Variants in JRK observed in about 807,000 individuals in gnomAD.
The protein encoded by JRK is Jrk helix-turn-helix protein.
For synonymous variants in JRK, 303 were observed against 218.1 expected (o/e 1.39, Z -3.43); for missense variants, 720 against 509.2 (o/e 1.41, Z -3.98).
Position 142,658,236 on chromosome 8 carries a change from T to A in JRK, c.*6116A>T, listed in dbSNP as rs1846801016. On this transcript the variant is annotated 3_prime_UTR_variant, in exon 2 of 2. Transcript: ENST00000612905. ...TACTGCCTGTCTCAGTCAGTTTTGA[T>A]TGCGATAACAAAATACCACAGGCTA... The A allele has an allele frequency of 6.6e-6, 1 of 152,256 alleles. No homozygotes were observed. Among genetic ancestry groups the A allele is most frequent in the African/African-American group, 2.4e-5 (1 of 41,454 alleles). The allele number at this position is 152,256 out of a possible 1,614,324, so 9.4% of individuals were successfully genotyped here. A position where few individuals can be genotyped will look rare whatever the true frequency, so the allele number is the denominator to read the frequency against.
rs1847125601 is a variant in JRK, at chr8:142,666,245, T to C, written c.-187A>G. 2.0e-6 allele frequency: 2 copies of C among 1,006,364 alleles called. No individual in the cohort carries two copies. Among genetic ancestry groups the C allele is most frequent in the Non-Finnish European group, 3.0e-6 (2 of 677,316 alleles). The allele number at this position is 1,006,364 out of a possible 1,614,324, so 62.3% of individuals were successfully genotyped here. On this transcript the variant is annotated 5_prime_UTR_variant, in exon 2 of 2. Transcript: ENST00000612905. ...GGTTTCTCACTCCACACGCTGCACC[T>C]CCTGCCTCAGGTATCCCTGGTCTTC...
At chr8:142,648,407 G>C in the JRK span, among the ~76,000 whole-genome samples, 3 of 152,340 alleles carry the variant, frequency 2.0e-5, no homozygotes, top group African/African-American at 7.2e-5. Context: ...CAGGCCCAGG[G>C]TTGCCATACT....
chr8:142,647,622 G>A, the JRK span, among the ~76,000 whole-genome samples: 1 of 152,158 alleles, frequency 6.6e-6, no homozygotes. Flanking sequence ...CCATGATTGT[G>A]AGGCCTCCCC....
At chr8:142,656,654 T>G (rs1415576549), downstream of JRK, among the ~76,000 whole-genome samples, 4 of 152,258 alleles carry the variant, frequency 2.6e-5, no homozygotes, top group African/African-American at 9.6e-5. Context: ...GAGAGCACCC[T>G]TAGGCTTGAA....
At position 142,662,402 on chromosome 8, in the gene JRK, T is replaced by C. The variant is rs1846944862; in HGVS notation, c.*1950A>G. 1 of 985,240 alleles carries C rather than the reference T, an allele frequency of 1.0e-6. No homozygotes were observed. Among genetic ancestry groups the C allele is most frequent in the Non-Finnish European group, 1.2e-6 (1 of 829,952 alleles). The allele number at this position is 985,240 out of a possible 1,614,324, so 61.0% of individuals were successfully genotyped here. On this transcript the variant is annotated 3_prime_UTR_variant, in exon 2 of 2. Coordinates refer to ENST00000612905, the MANE Select transcript of JRK (RefSeq NM_003724.4). The stretch of plus-strand genomic sequence containing the variant: ...CCTGTGTTGCCTCAAGCAGCTGCAA[T>C]CCAGCAGTCTTGGTTAAGAGGCTCT...
the JRK span, among the ~76,000 whole-genome samples, chr8:142,649,489 C>CT: frequency 6.6e-6 from 1 of 152,248 alleles, no homozygotes; most frequent in Non-Finnish European, 1.5e-5. Flanking sequence ...TCTTTGCCTG[C>CT]TGCTATCCAT....
Position 142,664,295 on chromosome 8 carries a change from C to T in JRK, c.*57G>A. ...GGTGGGGTCGGGGCACAGGACCATG[C>T]CACTCCAGGGTGTGGGGAGAAACAG... On this transcript the variant is annotated 3_prime_UTR_variant, in exon 2 of 2. Transcript: ENST00000612905. 6.7e-7 allele frequency: 1 copy of T among 1,497,254 alleles called. No individual in the cohort carries two copies. The highest frequency in any genetic ancestry group is 1.4e-5 in the South Asian group (1 of 72,940). 92.7% of individuals were successfully genotyped at this position (1,497,254 alleles called of 1,614,324 possible).
chr8:142,659,483 C>A lies in JRK; in HGVS notation c.*4869G>T. 1.0e-6 allele frequency: 1 copy of A among 986,420 alleles called. No individual in the cohort carries two copies. Among genetic ancestry groups the A allele is most frequent in the African/African-American group, 1.7e-5 (1 of 57,368 alleles). The allele number at this position is 986,420 out of a possible 1,614,324, so 61.1% of individuals were successfully genotyped here. On this transcript the variant is annotated 3_prime_UTR_variant, in exon 2 of 2. Coordinates refer to ENST00000612905, the MANE Select transcript of JRK (RefSeq NM_003724.4). ...CAGCCTGGGTGTGGAAATGGCCGTGCTGACAGGCTCTCTGCGATAGGGCCC... is the reference window on the plus strand; with the variant it reads ...CAGCCTGGGTGTGGAAATGGCCGTGATGACAGGCTCTCTGCGATAGGGCCC...
chr8:142,650,315 G>A, the JRK span, among the ~76,000 whole-genome samples: 3 of 143,154 alleles, frequency 2.1e-5, no homozygotes, highest in Non-Finnish European at 4.4e-5. Flanking sequence ...AGTTAATGCT[G>A]AAGTGAGTTA....
chr8:142,664,060 T>A lies in JRK; in HGVS notation c.*292A>T, dbSNP rs1847002428. 1 of 1,204,256 alleles carries A rather than the reference T, an allele frequency of 8.3e-7. No individual in the cohort carries two copies. The highest frequency in any genetic ancestry group is 1.0e-6 in the Non-Finnish European group (1 of 968,680). The allele number at this position is 1,204,256 out of a possible 1,614,324, so 74.6% of individuals were successfully genotyped here. ...CCAGATCGGCTCAGCCTGGCCCCCATTCCAGCCAGGGTGCGGCTCTGGCTT... is the reference window on the plus strand; with the variant it reads ...CCAGATCGGCTCAGCCTGGCCCCCAATCCAGCCAGGGTGCGGCTCTGGCTT... On this transcript the variant is annotated 3_prime_UTR_variant, in exon 2 of 2. Transcript: ENST00000612905.
At position 142,659,090 on chromosome 8, in the gene JRK, C is replaced by G; in HGVS notation, c.*5262G>C. 7.1e-7 allele frequency: 1 copy of G among 1,400,708 alleles called. No individual in the cohort carries two copies. The highest frequency in any genetic ancestry group is 9.3e-7 in the Non-Finnish European group (1 of 1,077,028). The allele number at this position is 1,400,708 out of a possible 1,614,324, so 86.8% of individuals were successfully genotyped here. On this transcript the variant is annotated 3_prime_UTR_variant, in exon 2 of 2. Coordinates refer to ENST00000612905, the MANE Select transcript of JRK (RefSeq NM_003724.4). ...TTTCTCTTCAGAACTGACAGCCCAT[C>G]AAGGTACAATGAAATAGAAAAAAGG... is the stretch of plus-strand genomic sequence containing the variant.
chr8:142,654,130 C>T (rs919662697), downstream of JRK, among the ~76,000 whole-genome samples: 5 of 152,098 alleles, frequency 3.3e-5, no homozygotes, highest in South Asian at 8.3e-4. Flanking sequence ...ACCACAAGGT[C>T]GGGGGAAGCT....
chr8:142,660,059 T>C lies in JRK; in HGVS notation c.*4293A>G. 1.0e-6 allele frequency: 1 copy of C among 985,836 alleles called. No homozygotes were observed. Among genetic ancestry groups the C allele is most frequent in the Non-Finnish European group, 1.2e-6 (1 of 830,238 alleles). The allele number at this position is 985,836 out of a possible 1,614,324, so 61.1% of individuals were successfully genotyped here. A position where few individuals can be genotyped will look rare whatever the true frequency, so the allele number is the denominator to read the frequency against. ...GTGGGAGGCTGGTGGCTGCCATGGC[T>C]GCAGCTCCTGGCCCTGCGGACAGCC... On this transcript the variant is annotated 3_prime_UTR_variant, in exon 2 of 2. Coordinates refer to ENST00000612905, the MANE Select transcript of JRK (RefSeq NM_003724.4).
Position 142,660,132 on chromosome 8 carries a change from C to T in JRK, c.*4220G>A, listed in dbSNP as rs1846870945. 3 of 985,446 alleles carry T rather than the reference C, an allele frequency of 3.0e-6. No individual in the cohort carries two copies. The highest frequency in any genetic ancestry group is 1.7e-5 in the African/African-American group (1 of 57,200). 61.0% of individuals were successfully genotyped at this position (985,446 alleles called of 1,614,324 possible). A position where few individuals can be genotyped will look rare whatever the true frequency, so the allele number is the denominator to read the frequency against. On this transcript the variant is annotated 3_prime_UTR_variant, in exon 2 of 2. Coordinates refer to ENST00000612905, the MANE Select transcript of JRK (RefSeq NM_003724.4). ...GGGCAGGGAAGAGGACAAACAAGGT[C>T]TCACAGGTCCATTCTCCCCAGCCTC...
chr8:142,664,344 A>G lies in JRK; in HGVS notation c.*8T>C. ...AGGGCCAGTGGCCAGGGCAGGGCAG[A>G]GAAGCCATCAGTTGTCACCTGCTGT... On this transcript the variant is annotated 3_prime_UTR_variant, in exon 2 of 2. Transcript: ENST00000612905. 2.6e-6 allele frequency: 4 copies of G among 1,548,240 alleles called. No homozygotes were observed. The highest frequency in any genetic ancestry group is 3.5e-6 in the Non-Finnish European group (4 of 1,143,726).
At position 142,665,507 on chromosome 8, in the gene JRK, G is replaced by A. The variant is rs587599179; in HGVS notation, c.552C>T (p.Tyr184=). The A allele has an allele frequency of 4.2e-6, 3 of 718,280 alleles. No individual in the cohort carries two copies. In the South Asian group the frequency reaches 4.4e-5, roughly 11 times the overall value. The allele number at this position is 718,280 out of a possible 1,614,324, so 44.5% of individuals were successfully genotyped here. The change falls in exon 2 of 2, where the codon TAC becomes TAT. Residue 184 remains tyrosine, a synonymous_variant. Coordinates refer to ENST00000612905, the MANE Select transcript of JRK (RefSeq NM_003724.4). The stretch of plus-strand genomic sequence containing the variant: ...AGAAAAGGCCGGTCTCATCAGCGTT[G>A]TAAACCTGCTCGGCGGACAGCCCGT... ...AEHGLSAEQV[Y]NADETGLFWR...
At position 142,665,302 on chromosome 8, in the gene JRK, C is replaced by T. The variant is rs1554635606; in HGVS notation, c.757G>A (p.Ala253Thr). 8.4e-6 allele frequency: 6 copies of T among 717,624 alleles called. No homozygotes were observed. The highest frequency in any genetic ancestry group is 3.0e-5 in the South Asian group (2 of 67,608). The allele number at this position is 717,624 out of a possible 1,614,324, so 44.5% of individuals were successfully genotyped here. The change falls in exon 2 of 2, where the codon GCC (alanine) becomes ACC (threonine). Residue 253 changes from alanine (A) to threonine (T), a missense_variant. By Grantham distance (58) the Ala-to-Thr change is moderately conservative. Coordinates refer to ENST00000612905, the MANE Select transcript of JRK (RefSeq NM_003724.4). ...AFKGIQHLPVAYKAQGNAWVD... is the reference protein window; with the variant it reads ...AFKGIQHLPVTYKAQGNAWVD... ...CAGGCGTTCCCCTGGGCCTTATAGG[C>T]GACGGGCAGGTGCTGGATGCCTTTG...
the JRK span, among the ~76,000 whole-genome samples, chr8:142,643,963 TC>T: frequency 6.6e-6 from 1 of 152,214 alleles, no homozygotes; most frequent in East Asian, 1.9e-4. Flanking sequence ...AAGAAAAGTT[TC>T]CCTGGTTCTG....
downstream of JRK, among the ~76,000 whole-genome samples, chr8:142,657,084 C>G (rs972418071): frequency 6.6e-6 from 1 of 152,218 alleles, no homozygotes; most frequent in Non-Finnish European, 1.5e-5. Flanking sequence ...GGACCTGAAG[C>G]AGGCTGGAAA....
Sources: gnomAD v4.1 joint callset for allele counts (sites outside exome capture counted in the v4.1 genomes callset) on GRCh38, gnomAD v4.1.1 for gene constraint, MANE v1.5 for transcripts, NCBI Gene and HGNC (gene_info 2026-07-23, HGNC 2026-07-21) for gene names.